The following LMTK2 variants were observed in gnomAD, a reference collection of about 807,000 sequenced individuals.
LMTK2 encodes the protein serine/threonine-protein kinase LMTK2.
Under a neutral mutation model 127.5 loss-of-function variants are expected in LMTK2, and 37 were observed. That is an observed-to-expected ratio of 0.29 (90% CI 0.22 to 0.38). The LOEUF is 0.38. Ranked by LOEUF, LMTK2 falls within the 10% of genes least tolerant of loss-of-function variation. LMTK2 has a pLI of 1.00. For synonymous variants in LMTK2, 819 were observed against 810.1 expected, an observed-to-expected ratio of 1.01 and a Z score of -0.19; for missense variants, 1,694 against 1,920.3, an observed-to-expected ratio of 0.88 and a Z score of 2.20.
At chr7:98,144,136 A>G (rs1398525060) in intron 3 of LMTK2, among the ~76,000 whole-genome samples, 1 of 152,196 alleles carries the variant, frequency 6.6e-6, no homozygotes, top group African/African-American at 2.4e-5. Flanking sequence ...ATTACAAAAA[A>G]TATATATGTT....
intron 2 of LMTK2, among the ~76,000 whole-genome samples, chr7:98,140,209 T>C (rs1440021713): frequency 1.4e-5 from 2 of 147,460 alleles, no homozygotes; most frequent in Non-Finnish European, 1.5e-5. Context: ...TGAGATGGTC[T>C]CGCTCTATCA....
chr7:98,121,742 T>C (rs1176204294), intron 1 of LMTK2, among the ~76,000 whole-genome samples: 1 of 152,146 alleles, frequency 6.6e-6, no homozygotes, highest in Non-Finnish European at 1.5e-5. Flanking sequence ...GGCTCAGGGC[T>C]GTAATCCCAG....
intron 7 of LMTK2, among the ~76,000 whole-genome samples, chr7:98,184,417 G>T (rs1301398059): frequency 6.6e-6 from 1 of 151,830 alleles, no homozygotes; most frequent in Non-Finnish European, 1.5e-5. Context: ...CTTTATTGTC[G>T]CCTGACAGTC....
chr7:98,107,127 A>G lies in LMTK2; in HGVS notation c.-51A>G. 1 of 1,330,820 alleles carries G rather than the reference A, an allele frequency of 7.5e-7. No homozygotes were observed. Among genetic ancestry groups the G allele is most frequent in the Non-Finnish European group, 9.7e-7 (1 of 1,027,330 alleles). The allele number at this position is 1,330,820 out of a possible 1,614,324, so 82.4% of individuals were successfully genotyped here. On this transcript the variant is annotated 5_prime_UTR_variant, in exon 1 of 14. Coordinates refer to ENST00000297293, the MANE Select transcript of LMTK2 (RefSeq NM_014916.4). ...GATCGACTGACGGGCGAACGGACGGACGGACGGAAGGCGACTCGAGGGCCG... is the reference window on the plus strand; with the variant it reads ...GATCGACTGACGGGCGAACGGACGGGCGGACGGAAGGCGACTCGAGGGCCG...
chr7:98,144,878 G>A (rs1054195589), intron 3 of LMTK2, among the ~76,000 whole-genome samples: 10 of 151,166 alleles, frequency 6.6e-5, no homozygotes, highest in African/African-American at 1.2e-4. Context: ...TTCTAGGTTC[G>A]TACTATGTAG....
chr7:98,141,423 G>C lies in LMTK2; in HGVS notation c.258G>C (p.Glu86Asp). The C allele has an allele frequency of 6.2e-7, 1 of 1,613,836 alleles. No individual in the cohort carries two copies. Residue 86 changes from glutamate (E) to aspartate (D), a missense_variant, in exon 3 of 14, where the codon GAG becomes GAC. Physicochemically the swap from Glu to Asp is conservative, Grantham distance 45. Around this residue, in one of 8 missense-constraint regions of LMTK2, gnomAD observed 203 missense variants for 226.2 expected, o/e 0.90. Coordinates refer to ENST00000297293, the MANE Select transcript of LMTK2 (RefSeq NM_014916.4). ...AATTTGAAGATAATTTTGATGATGAGATAGATTTCACACCACCAGCAGAAG... is the reference window on the plus strand; with the variant it reads ...AATTTGAAGATAATTTTGATGATGACATAGATTTCACACCACCAGCAGAAG... ...FKEFEDNFDD[E>D]IDFTPPAEDT...
In LMTK2 at chr7:98,171,621, G is replaced by A. The variant is rs370355112; in HGVS notation, c.738G>A (p.Ala246=). 27 of 1,610,662 alleles carry A rather than the reference G, an allele frequency of 1.7e-5. No individual in the cohort carries two copies. The highest frequency in any genetic ancestry group is 6.7e-5 in the African/African-American group (5 of 74,864). ...AGACCATGCTGCTGCAGAGGATGGC[G>A]TGCGAGGTCGCCGCGGGGCTGGCCG... ...DSQTMLLQRM[A]CEVAAGLAAM... The change falls in exon 7 of 14, where the codon GCG becomes GCA. Residue 246 remains alanine (A), a synonymous_variant. Coordinates refer to ENST00000297293, the MANE Select transcript of LMTK2 (RefSeq NM_014916.4). This position sits in a 1 kb window ranked among gnomAD's most constrained non-coding sequence, Gnocchi z 5.1.
At chr7:98,144,046 T>A (rs1254933698) in intron 3 of LMTK2, among the ~76,000 whole-genome samples, 1 of 152,168 alleles carries the variant, frequency 6.6e-6, no homozygotes, top group Non-Finnish European at 1.5e-5. Flanking sequence ...AGTTCTACCA[T>A]TTTTTTCTTT....
intron 1 of LMTK2, among the ~76,000 whole-genome samples, chr7:98,124,186 C>T (rs901224810): frequency 6.6e-6 from 1 of 152,108 alleles, no homozygotes; most frequent in African/African-American, 2.4e-5. Context: ...TGCTCCATGT[C>T]CCCTTTTCCC....
chr7:98,150,300 C>A (rs1796834505), intron 3 of LMTK2, among the ~76,000 whole-genome samples: 1 of 138,914 alleles, frequency 7.2e-6, no homozygotes, highest in Non-Finnish European at 1.6e-5. Context: ...AGAGCGAGAC[C>A]CTGTCTCAAA....
At chr7:98,179,991 A>G (rs1043623756) in intron 7 of LMTK2, among the ~76,000 whole-genome samples, 20 of 152,234 alleles carry the variant, frequency 1.3e-4, no homozygotes, top group African/African-American at 4.3e-4. Context: ...AGTCACTTCA[A>G]TTCTCTGCCT....
chr7:98,195,158 C>T (rs1797607816), intron 11 of LMTK2, among the ~76,000 whole-genome samples: 1 of 152,248 alleles, frequency 6.6e-6, no homozygotes, highest in South Asian at 2.1e-4. Flanking sequence ...TTTGGGATTA[C>T]AGGCATGAGC....
Position 98,193,827 on chromosome 7 carries a change from C to G in LMTK2, c.3362C>G (p.Pro1121Arg). The G allele has an allele frequency of 1.9e-6, 3 of 1,613,984 alleles. No individual in the cohort carries two copies. The highest frequency in any genetic ancestry group is 2.5e-6 in the Non-Finnish European group (3 of 1,179,992). ...CCCGAGAAAAGGTCTGAGGAGGTCC[C>G]GGGAACCTCCCCATCCGCCTTGGTG... ...SEPEKRSEEV[P>R]GTSPSALVLV... The change falls in exon 11 of 14, where the codon CCG (proline) becomes CGG (arginine). Residue 1121 changes from proline (P) to arginine (R), a missense_variant. Physicochemically the swap from Pro to Arg is moderately radical, Grantham distance 103. This residue lies in a region of LMTK2 where 554 missense variants were observed against 567.7 expected (regional missense o/e 0.98). Coordinates refer to ENST00000297293, the MANE Select transcript of LMTK2 (RefSeq NM_014916.4). This position sits in a 1 kb window ranked among gnomAD's most constrained non-coding sequence, Gnocchi z 4.1.
In LMTK2 at chr7:98,190,816, A is replaced by G. The variant is rs771810823; in HGVS notation, c.1087A>G (p.Ile363Val). 15 of 1,613,988 alleles carry G rather than the reference A, an allele frequency of 9.3e-6. No individual in the cohort carries two copies. In the Admixed American group the frequency reaches 1.2e-4, roughly 13 times the overall value. ...CAACTTAGATGTCCTCAACCAAGTC[A>G]TTAGAGAGAGAGACACAAAACTCCC... ...LSNLDVLNQVIRERDTKLPKP... is the reference protein window; with the variant it reads ...LSNLDVLNQVVRERDTKLPKP... The change falls in exon 10 of 14, where the codon ATT becomes GTT. Residue 363 changes from isoleucine to valine, a missense_variant. Physicochemically the swap from Ile to Val is conservative, Grantham distance 29 (BLOSUM62 3). Around this residue, in one of 8 missense-constraint regions of LMTK2, gnomAD observed 216 missense variants for 266.8 expected, o/e 0.81. Coordinates refer to ENST00000297293, the MANE Select transcript of LMTK2 (RefSeq NM_014916.4).
intron 7 of LMTK2, among the ~76,000 whole-genome samples, chr7:98,182,957 C>G (rs964283167): frequency 3.3e-5 from 5 of 152,192 alleles, no homozygotes; most frequent in African/African-American, 1.2e-4. Context: ...TATACTCTCC[C>G]TTTGGAATTC....
In LMTK2 at chr7:98,191,810, C is replaced by A; in HGVS notation, c.1345C>A (p.His449Asn). Reference protein sequence around the residue: ...SNNAAFPILDHFARDRLGREM... With the variant: ...SNNAAFPILDNFARDRLGREM... ...CAATGCTGCATTCCCAATTCTCGACCACTTTGCCAGGGACCGGCTGGGTCG... is the reference window on the plus strand; with the variant it reads ...CAATGCTGCATTCCCAATTCTCGACAACTTTGCCAGGGACCGGCTGGGTCG... The change falls in exon 11 of 14, where the codon CAC (histidine) becomes AAC (asparagine). Residue 449 changes from histidine to asparagine, a missense_variant. Transcript: ENST00000297293. 6.2e-7 allele frequency: 1 copy of A among 1,614,196 alleles called. No homozygotes were observed. Among genetic ancestry groups the A allele is most frequent in the Non-Finnish European group, 8.5e-7 (1 of 1,180,036 alleles).
chr7:98,141,355 T>C, intron 2 of LMTK2, 42 bp from the exon 3 acceptor site: 1 of 1,575,874 alleles, frequency 6.3e-7, no homozygotes, highest in South Asian at 1.1e-5. Flanking sequence ...CTATTTTAAA[T>C]GTTAGCCAAT....
chr7:98,168,635 T>G (rs562670089), intron 6 of LMTK2, among the ~76,000 whole-genome samples: 1 of 152,360 alleles, frequency 6.6e-6, no homozygotes, highest in African/African-American at 2.4e-5. Flanking sequence ...TTGCTCCTAG[T>G]GTCCTGCAGA....
rs1562902805 is a variant in LMTK2, at chr7:98,140,158, T to TGTC, written c.232-1239_232-1238insGTC. On this transcript the variant is annotated intron_variant, in intron 2 of 13. Coordinates refer to ENST00000297293, the MANE Select transcript of LMTK2 (RefSeq NM_014916.4). Reference sequence around the variant, plus strand: ...TCTTTCTTTCTTTTCTTTTCTTTTCTTTTCTTTTCTTTTCTTTCTTTTCTT... The same window carrying TGTC: ...TCTTTCTTTCTTTTCTTTTCTTTTCTGTCTTTCTTTTCTTTTCTTTCTTTTCTT... 5.2e-3 allele frequency among the ~76,000 whole-genome samples: 19 copies of TGTC among 3,624 alleles called. 4 individuals are homozygous for TGTC. The highest frequency in any genetic ancestry group is 9.5e-3 in the African/African-American group (19 of 1,994). 2.4% of individuals were successfully genotyped at this position (3,624 alleles called of 152,430 possible).
Sources: allele counts gnomAD v4.1 joint callset (sites outside exome capture counted in the v4.1 genomes callset), GRCh38; gene constraint gnomAD v4.1.1; regional missense constraint gnomAD v4.1.1; non-coding constraint Gnocchi (gnomAD v3.1); transcripts MANE v1.5; gene names NCBI Gene and HGNC (gene_info 2026-07-23, HGNC 2026-07-21).